The following BPNT1 variants were observed in gnomAD, a reference collection of about 807,000 sequenced individuals.
The protein encoded by BPNT1 is 3'(2'), 5'-bisphosphate nucleotidase 1.
BPNT1 carries 28 observed loss-of-function variants against 36.9 expected under a neutral mutation model. That is an observed-to-expected ratio of 0.76 (90% confidence interval 0.56 to 1.04). The LOEUF (loss-of-function observed/expected upper bound fraction) is 1.04, where lower values mean the gene tolerates loss of function less well. Ranked by LOEUF, BPNT1 falls within the 50% of genes least tolerant of loss-of-function variation. The pLI, the probability that BPNT1 is intolerant of heterozygous loss-of-function variation, is 0.00. For synonymous variants in BPNT1, 119 were observed against 130.9 expected (o/e 0.91, Z 0.62); for missense variants, 313 against 372.9 (o/e 0.84, Z 1.32).
rs1662718484 is a variant in BPNT1, at chr1:220,058,497, C to T, written c.*347G>A. 4.0e-6 allele frequency: 4 copies of T among 988,312 alleles called. No individual in the cohort carries two copies. In the Admixed American group the frequency reaches 2.3e-4, roughly 56 times the overall value. The allele number at this position is 988,312 out of a possible 1,614,324, so 61.2% of individuals were successfully genotyped here. On this transcript the variant is annotated 3_prime_UTR_variant, in exon 9 of 9. Transcript: ENST00000322067. ...TTTGAGAACCAAGTCTTTCTCCTAG[C>T]TAAGTAAATGAAACTTTAAGTACTT...
At chr1:220,060,219 T>A (rs1342469677) in intron 7 of BPNT1, among the ~76,000 whole-genome samples, 1 of 152,180 alleles carries the variant, frequency 6.6e-6, no homozygotes, top group Admixed American at 6.5e-5. Context: ...CTCACTCCTG[T>A]AATGCCAGCA....
intron 8 of BPNT1, among the ~76,000 whole-genome samples, chr1:220,059,325 C>T (rs1323233405): frequency 7.8e-6 from 1 of 127,950 alleles, no homozygotes; most frequent in Non-Finnish European, 1.6e-5. Context: ...ACTACAACCT[C>T]GGTTCACTAC....
chr1:220,075,434 A>T (rs1369801272), intron 2 of BPNT1, among the ~76,000 whole-genome samples: 1 of 152,238 alleles, frequency 6.6e-6, no homozygotes, highest in Non-Finnish European at 1.5e-5. Flanking sequence ...TTTGCTGTAT[A>T]TCTCAATGCA....
intron 7 of BPNT1, among the ~76,000 whole-genome samples, chr1:220,060,391 G>A (rs565746576): frequency 4.6e-5 from 7 of 152,198 alleles, no homozygotes; most frequent in Non-Finnish European, 5.9e-5. Flanking sequence ...CACGAGAATC[G>A]TTTGAACCTG....
chr1:220,073,294 AT>A (rs909735716), intron 3 of BPNT1, among the ~76,000 whole-genome samples: 108 of 145,692 alleles, frequency 7.4e-4, no homozygotes, highest in Admixed American at 8.3e-4. Flanking sequence ...TTCTTTTTTT[AT>A]TTTTTTTTTT....
chr1:220,088,034 C>T (rs1226017001), intron 1 of BPNT1, among the ~76,000 whole-genome samples: 2 of 151,984 alleles, frequency 1.3e-5, no homozygotes, highest in Non-Finnish European at 2.9e-5. Flanking sequence ...AGCATCTCCA[C>T]ACCTGGCTAA....
intron 2 of BPNT1, among the ~76,000 whole-genome samples, chr1:220,079,253 T>C (rs901966056): frequency 5.3e-5 from 8 of 151,578 alleles, no homozygotes; most frequent in African/African-American, 1.9e-4. Context: ...CTGGAGTCTT[T>C]TTTTTTTTTC....
At chr1:220,073,044 T>C (rs1490109281) in intron 3 of BPNT1, 87 bp from the exon 4 acceptor site, 10 of 1,019,746 alleles carry the variant, frequency 9.8e-6, no homozygotes, top group Non-Finnish European at 1.4e-5. Flanking sequence ...AAATGCAGCA[T>C]CACAGTTTTC....
At chr1:220,088,478 CA>C (rs58383315) in intron 1 of BPNT1, among the ~76,000 whole-genome samples, 12,384 of 65,422 alleles carry the variant, frequency 0.19, 457 homozygotes, top group Admixed American at 0.26. Context: ...GACTCCGACT[CA>C]AAAAAAAAAA....
chr1:220,069,617 C>T (rs939096570), intron 4 of BPNT1, among the ~76,000 whole-genome samples, 185 bp from the exon 5 acceptor site: 5 of 151,892 alleles, frequency 3.3e-5, no homozygotes, highest in African/African-American at 1.2e-4. Flanking sequence ...GGAAAAAGTC[C>T]ATTTGAATAA....
chr1:220,063,119 C>T (rs1291612068), intron 6 of BPNT1, among the ~76,000 whole-genome samples, 165 bp from the exon 7 acceptor site: 2 of 152,150 alleles, frequency 1.3e-5, no homozygotes, highest in Admixed American at 6.5e-5. Context: ...GAGGCCGAGG[C>T]GGGCGGATCA....
chr1:220,079,518 C>G (rs1046944139), intron 2 of BPNT1, among the ~76,000 whole-genome samples: 1 of 152,170 alleles, frequency 6.6e-6, no homozygotes, highest in Admixed American at 6.5e-5. Flanking sequence ...TCCCAAAGTA[C>G]TGGGATTACA....
At chr1:220,070,944 C>T (rs1360330273) in intron 4 of BPNT1, among the ~76,000 whole-genome samples, 2 of 150,760 alleles carry the variant, frequency 1.3e-5, no homozygotes, top group Admixed American at 6.6e-5. Flanking sequence ...TCAAGACCAG[C>T]CTGACCAACA....
chr1:220,069,790 G>C (rs1408140349), intron 4 of BPNT1, among the ~76,000 whole-genome samples: 1 of 152,014 alleles, frequency 6.6e-6, no homozygotes, highest in Non-Finnish European at 1.5e-5. Flanking sequence ...ACAAAAATTA[G>C]CCGGGCGTGG....
chr1:220,082,120 A>T (rs371154168), intron 1 of BPNT1, among the ~76,000 whole-genome samples: 4,151 of 127,692 alleles, frequency 0.033, 87 homozygotes, highest in East Asian at 0.096. Context: ...AGAGAGAGAG[A>T]GTGTATATAT....
chr1:220,079,221 A>G (rs1362020337), intron 2 of BPNT1, among the ~76,000 whole-genome samples: 1 of 152,068 alleles, frequency 6.6e-6, no homozygotes, highest in Non-Finnish European at 1.5e-5. Flanking sequence ...ACATATAAAT[A>G]AAGATCTTGG....
chr1:220,059,313 TTAC>T (rs536080003), intron 8 of BPNT1, among the ~76,000 whole-genome samples: 178 of 144,292 alleles, frequency 1.2e-3, no homozygotes, highest in Middle Eastern at 0.011. Flanking sequence ...ACAATCTCAG[TTAC>T]TACAACCTCG....
chr1:220,072,799 A>T (rs532879553), intron 4 of BPNT1, 51 bp downstream of exon 4: 3 of 1,448,236 alleles, frequency 2.1e-6, no homozygotes, highest in Non-Finnish European at 2.9e-6. Flanking sequence ...TTCCTTTACT[A>T]TGGCAAAAAG....
rs2102615753 is a variant in BPNT1 at position 220,058,528 on chromosome 1, G to GT, written c.*315dup. On this transcript the variant is annotated 3_prime_UTR_variant, in exon 9 of 9. Transcript: ENST00000322067. ...AAATGAAACTTTAAGTACTTTTTGG[G>GT]TTTTTGTTTTTTTTTTTTCTGAGAC... The GT allele has an allele frequency of 3.3e-5, 33 of 994,572 alleles. No individual in the cohort carries two copies. Among genetic ancestry groups the GT allele is most frequent in the Middle Eastern group, 5.0e-4 (1 of 1,984 alleles). The allele number at this position is 994,572 out of a possible 1,614,324, so 61.6% of individuals were successfully genotyped here.
Sources: allele counts gnomAD v4.1 joint callset (sites outside exome capture counted in the v4.1 genomes callset), GRCh38; gene constraint gnomAD v4.1.1; transcripts MANE v1.5; gene names NCBI Gene and HGNC (gene_info 2026-07-23, HGNC 2026-07-21).